BMX: variants seen among roughly 807,000 people sequenced by gnomAD.
The protein encoded by BMX is cytoplasmic tyrosine-protein kinase BMX.
A neutral mutation model predicts 59.2 loss-of-function variants in BMX; 31 were observed. The observed-to-expected ratio is 0.52, with a 90% confidence interval of 0.39 to 0.71. BMX has a LOEUF of 0.71. BMX is among the 30% of genes least tolerant of loss of function. The pLI is 0.00. For synonymous variants in BMX, 185 were observed against 181.0 expected, an observed-to-expected ratio of 1.02 and a Z score of -0.18; for missense variants, 474 against 491.7, an observed-to-expected ratio of 0.96 and a Z score of 0.34.
intron 9 of BMX, among the ~76,000 whole-genome samples, chrX:15,526,735 G>A (rs1924751241): frequency 9.2e-6 from 1 of 109,171 alleles, no homozygotes; most frequent in African/African-American, 3.3e-5. Context: ...ACAGGCGCCT[G>A]CCACCATGCC....
At chrX:15,547,165 T>C (rs1370774055) in intron 17 of BMX, among the ~76,000 whole-genome samples, 1 of 112,131 alleles carries the variant, frequency 8.9e-6, no homozygotes, top group Admixed American at 9.5e-5. Context: ...TCAAAAGGGA[T>C]AAATCTACTC....
At chrX:15,534,746 A>C (rs1010011306) in intron 12 of BMX, among the ~76,000 whole-genome samples, 3 of 111,568 alleles carry the variant, frequency 2.7e-5, no homozygotes, top group Middle Eastern at 4.2e-3. Context: ...TACATATATA[A>C]ATAGAAATTA....
intron 3 of BMX, among the ~76,000 whole-genome samples, chrX:15,509,858 C>T (rs1923886136): frequency 8.9e-6 from 1 of 111,805 alleles, no homozygotes; most frequent in Non-Finnish European, 1.9e-5. Flanking sequence ...CAGCAGAATG[C>T]ATCCATGGAG....
At chrX:15,516,332 G>A in intron 5 of BMX, 101 bp downstream of exon 5, 1 of 1,063,293 alleles carries the variant, frequency 9.4e-7, no homozygotes, top group Middle Eastern at 3.8e-4. Context: ...AACAAGATGT[G>A]CCAGATTGGT....
At chrX:15,501,710 C>T (rs1271247722) in intron 1 of BMX, among the ~76,000 whole-genome samples, 6 of 111,656 alleles carry the variant, frequency 5.4e-5, no homozygotes, top group Non-Finnish European at 9.4e-5. Context: ...TGCAAGTGCA[C>T]GGACCACACT....
chrX:15,536,502 CAA>C (rs61657459), intron 13 of BMX, 75 bp downstream of exon 13: 49,664 of 557,974 alleles, frequency 0.089, 2 homozygotes, highest in East Asian at 0.24. Flanking sequence ...AATTTACTGG[CAA>C]AAAAAAAAAA....
chrX:15,518,092 C>G, intron 6 of BMX, 99 bp downstream of exon 6: 2 of 696,144 alleles, frequency 2.9e-6, no homozygotes, highest in East Asian at 6.7e-5. Flanking sequence ...TTCATTTAGA[C>G]TTCTCAGCAA....
chrX:15,542,096 T>A lies in BMX; in HGVS notation c.1509T>A (p.Ser503Arg). 5 of 1,210,853 alleles carry A rather than the reference T, an allele frequency of 4.1e-6. No individual in the cohort carries two copies. The highest frequency in any genetic ancestry group is 5.6e-6 in the Non-Finnish European group (5 of 895,094). The part of the protein sequence containing the change: ...SNGCLLNYLR[S>R]HGKGLEPSQL... ...GCTGCTTGCTGAATTACCTGAGGAG[T>A]CACGGAAAAGGACTTGAACCTTCCC... Residue 503 changes from serine to arginine, a missense_variant, in exon 15 of 19, where the codon AGT becomes AGA. Physicochemically the swap from Ser to Arg is moderately radical, Grantham distance 110 (BLOSUM62 -1). Coordinates refer to ENST00000348343, the MANE Select transcript of BMX (RefSeq NM_203281.3).
At chrX:15,518,631 C>T (rs1446295165) in intron 6 of BMX, among the ~76,000 whole-genome samples, 1 of 111,504 alleles carries the variant, frequency 9.0e-6, no homozygotes, top group Non-Finnish European at 1.9e-5. Context: ...AGTTAAACAT[C>T]TGTCACCTAG....
intron 18 of BMX, among the ~76,000 whole-genome samples, chrX:15,555,765 T>C (rs2147150034): frequency 8.9e-6 from 1 of 112,115 alleles, no homozygotes; most frequent in South Asian, 3.7e-4. Flanking sequence ...CTAACATTGA[T>C]ACTCTCAGAT....
chrX:15,534,559 G>A (rs1461513966), intron 12 of BMX, among the ~76,000 whole-genome samples: 2 of 111,096 alleles, frequency 1.8e-5, no homozygotes, highest in African/African-American at 6.5e-5. Flanking sequence ...AGTAAACTGG[G>A]TGACTTAGAA....
intron 3 of BMX, 133 bp downstream of exon 3, chrX:15,509,566 G>T (rs1923870938): frequency 2.2e-6 from 1 of 463,712 alleles, no homozygotes; most frequent in South Asian, 5.3e-5. Context: ...TCCCACATGG[G>T]AGTTGGGCAT....
intron 9 of BMX, among the ~76,000 whole-genome samples, chrX:15,526,477 T>C (rs1006776423): frequency 1.8e-5 from 2 of 112,001 alleles, no homozygotes; most frequent in African/African-American, 6.5e-5. Flanking sequence ...AGTAATATTT[T>C]TGGAGAAGTT....
intron 14 of BMX, among the ~76,000 whole-genome samples, chrX:15,539,592 T>A (rs1925555272): frequency 1.8e-5 from 2 of 111,919 alleles, no homozygotes; most frequent in African/African-American, 6.5e-5. Context: ...ATAAGCATTG[T>A]CCCTATAGTT....
intron 8 of BMX, 22 bp downstream of exon 8, chrX:15,525,387 C>T (rs1924665915): frequency 1.7e-6 from 2 of 1,162,732 alleles, no homozygotes; most frequent in Non-Finnish European, 1.2e-6. Flanking sequence ...TCAGATATCT[C>T]CTACATCCAG....
At position 15,511,456 on chromosome X, in the gene BMX, T is replaced by C; in HGVS notation, c.263T>C (p.Leu88Pro). Reference protein sequence around the residue: ...YPFQIVYKDGLLYVYASNEES... With the variant: ...YPFQIVYKDGPLYVYASNEES... Reference sequence around the variant, plus strand: ...TTCCAGATTGTCTATAAAGATGGGCTTCTCTATGTCTATGCATCAAATGAA... The same window carrying C: ...TTCCAGATTGTCTATAAAGATGGGCCTCTCTATGTCTATGCATCAAATGAA... Residue 88 changes from leucine (L) to proline (P), a missense_variant, in exon 4 of 19, where the codon CTT becomes CCT. By Grantham distance (98) the Leu-to-Pro change is moderately conservative. Coordinates refer to ENST00000348343, the MANE Select transcript of BMX (RefSeq NM_203281.3). 1 of 1,205,272 alleles carries C rather than the reference T, an allele frequency of 8.3e-7. No homozygotes were observed. Among genetic ancestry groups the C allele is most frequent in the Non-Finnish European group, 1.1e-6 (1 of 891,650 alleles).
chrX:15,535,091 A>C (rs765080839), intron 12 of BMX, among the ~76,000 whole-genome samples: 1 of 112,160 alleles, frequency 8.9e-6, no homozygotes, highest in Admixed American at 9.5e-5. Flanking sequence ...AAAGGCTAAG[A>C]ATACTTAAAA....
chrX:15,501,647 C>T (rs1923572713), intron 1 of BMX, among the ~76,000 whole-genome samples: 1 of 111,645 alleles, frequency 9.0e-6, no homozygotes, highest in African/African-American at 3.3e-5. Context: ...TTTGGCTGCG[C>T]GAGGTCTCGG....
At chrX:15,536,286 C>T (rs1925337923) in intron 12 of BMX, 67 bp from the exon 13 acceptor site, 4 of 1,091,449 alleles carry the variant, frequency 3.7e-6, no homozygotes, top group Non-Finnish European at 5.0e-6. Context: ...TAGTTGTGAA[C>T]CAATGTTACA....
Sources: gnomAD v4.1 joint callset for allele counts (sites outside exome capture counted in the v4.1 genomes callset) on GRCh38, gnomAD v4.1.1 for gene constraint, MANE v1.5 for transcripts, NCBI Gene and HGNC (gene_info 2026-07-23, HGNC 2026-07-21) for gene names.